MYOM1: variants seen among roughly 807,000 people sequenced by gnomAD.
MYOM1 encodes the protein myomesin-1.
MYOM1 carries 164 observed loss-of-function variants against 205.3 expected under a neutral mutation model. That is an observed-to-expected ratio of 0.80 (90% CI 0.70 to 0.91). The LOEUF (loss-of-function observed/expected upper bound fraction) is 0.91. Ranked by LOEUF, MYOM1 falls within the 40% of genes least tolerant of loss-of-function variation. The pLI is 0.00. For synonymous variants in MYOM1, 772 were observed against 789.4 expected (o/e 0.98, Z 0.37); for missense variants, 2,011 against 2,127.3 (o/e 0.95, Z 1.08).
chr18:3,104,300 G>C (rs1204319239), intron 22 of MYOM1, among the ~76,000 whole-genome samples: 3 of 152,208 alleles, frequency 2.0e-5, no homozygotes, highest in South Asian at 2.1e-4. Context: ...TTGTATATCT[G>C]TATTGTTACA....
chr18:3,187,588 A>T lies in MYOM1; in HGVS notation c.821T>A (p.Leu274His), dbSNP rs778938159. ...YHAKLNEDHLLHAPEFIIKPR... is the reference protein window; with the variant it reads ...YHAKLNEDHLHHAPEFIIKPR... ...TTTAATGATAAACTCAGGAGCATGG[A>T]GAAGATGGTCTTCATTCAGCTTGGC... Residue 274 changes from leucine (L) to histidine (H), a missense_variant, in exon 5 of 38, where the codon CTC becomes CAC. By Grantham distance (99) the Leu-to-His change is moderately conservative. Coordinates refer to ENST00000356443, the MANE Select transcript of MYOM1 (RefSeq NM_003803.4). The T allele has an allele frequency of 1.9e-6, 3 of 1,613,512 alleles. No individual in the cohort carries two copies. The East Asian group carries it at 6.7e-5, about 36-fold the overall frequency.
intron 2 of MYOM1, among the ~76,000 whole-genome samples, chr18:3,196,396 C>A (rs968845921): frequency 1.3e-5 from 2 of 152,018 alleles, no homozygotes; most frequent in African/African-American, 2.4e-5. Flanking sequence ...GATTGCTAAC[C>A]CCTTGGGCTT....
chr18:3,239,237 T>C, the MYOM1 span, among the ~76,000 whole-genome samples: 2 of 152,148 alleles, frequency 1.3e-5, no homozygotes, highest in Non-Finnish European at 2.9e-5. Flanking sequence ...ACAGAGGAGC[T>C]GGCTTTCTAT....
intron 1 of MYOM1, among the ~76,000 whole-genome samples, chr18:3,218,937 G>A (rs1394880241): frequency 6.6e-6 from 1 of 152,072 alleles, no homozygotes; most frequent in African/African-American, 2.4e-5. Flanking sequence ...CAAGTAAACA[G>A]GGTTTGACTT....
intron 29 of MYOM1, among the ~76,000 whole-genome samples, chr18:3,087,395 C>T (rs1043693771): frequency 4.6e-5 from 7 of 150,568 alleles, no homozygotes; most frequent in Non-Finnish European, 7.4e-5. Context: ...TCTGAGCTTT[C>T]TGTTGTCCGG....
At chr18:3,089,137 C>T (rs867757668) in intron 29 of MYOM1, 37 bp downstream of exon 29, 1 of 1,460,866 alleles carries the variant, frequency 6.8e-7, no homozygotes, top group South Asian at 1.2e-5. Flanking sequence ...ATTTTATTTC[C>T]CTTGAATCAA....
chr18:3,151,652 A>T, intron 12 of MYOM1, 42 bp downstream of exon 12: 2 of 1,526,132 alleles, frequency 1.3e-6, no homozygotes, highest in South Asian at 1.2e-5. Context: ...CAGTCATTTT[A>T]AAAAGGTTTA....
chr18:3,197,190 G>A (rs1167859175), intron 2 of MYOM1, among the ~76,000 whole-genome samples: 1 of 148,948 alleles, frequency 6.7e-6, no homozygotes, highest in East Asian at 2.0e-4. Context: ...AGGCTGGAGT[G>A]CAATGGCGCG....
In MYOM1 at chr18:3,206,624, G is replaced by A. The variant is rs79042987; in HGVS notation, c.290+8310C>T. Among the ~76,000 whole-genome samples, 582 of 152,232 alleles carry A rather than the reference G, an allele frequency of 3.8e-3. 4 individuals are homozygous for A. Among genetic ancestry groups the A allele is most frequent in the African/African-American group, 0.013 (558 of 41,534 alleles). The stretch of plus-strand genomic sequence containing the variant: ...CGTTGTTTTGGATCTACTTTTGATT[G>A]AGAACAGCTTGGTTTTGTGCTCCTC... On this transcript the variant is annotated intron_variant, in intron 2 of 37. Coordinates refer to ENST00000356443, the MANE Select transcript of MYOM1 (RefSeq NM_003803.4).
chr18:3,186,382 A>G (rs911912464), intron 5 of MYOM1, among the ~76,000 whole-genome samples: 15 of 152,184 alleles, frequency 9.9e-5, no homozygotes, highest in African/African-American at 3.4e-4. Context: ...AGGTGCATTT[A>G]CCACCACTCC....
rs188023558 is a variant in MYOM1 at position 3,085,847 on chromosome 18, A to C, written c.4251+191T>G. Among the ~76,000 whole-genome samples the C allele has an allele frequency of 1.6e-3, 251 of 152,344 alleles. 1 individual carries two copies. The highest frequency in any genetic ancestry group is 5.6e-3 in the African/African-American group (234 of 41,572). On this transcript the variant is annotated intron_variant, in intron 30 of 37. Coordinates refer to ENST00000356443, the MANE Select transcript of MYOM1 (RefSeq NM_003803.4). ...AAGCAAGAGTTGTGGCATTCAGCTC[A>C]TACTGGTTTGCTACCTAACAAATCC... is the stretch of plus-strand genomic sequence containing the variant.
At chr18:3,171,517 A>G (rs990178000) in intron 8 of MYOM1, among the ~76,000 whole-genome samples, 5 of 152,206 alleles carry the variant, frequency 3.3e-5, no homozygotes, top group Non-Finnish European at 7.3e-5. Flanking sequence ...GAGGCACCCC[A>G]GTTTAACAAC....
intron 34 of MYOM1, among the ~76,000 whole-genome samples, chr18:3,076,410 T>C (rs1315001403): frequency 1.3e-5 from 2 of 152,128 alleles, no homozygotes; most frequent in Admixed American, 1.3e-4. Flanking sequence ...TGAGTAAACA[T>C]CCTGAGTGTC....
At chr18:3,175,132 G>C (rs1300502615) in intron 6 of MYOM1, among the ~76,000 whole-genome samples, 1 of 152,070 alleles carries the variant, frequency 6.6e-6, no homozygotes, top group Non-Finnish European at 1.5e-5. Flanking sequence ...ACTTAATTTT[G>C]AAAGTAACCA....
At position 3,134,761 on chromosome 18, in the gene MYOM1, G is replaced by C. The variant is rs376205950; in HGVS notation, c.2273C>G (p.Ser758Trp). The change falls in exon 16 of 38, where the codon TCG becomes TGG. Residue 758 changes from serine to tryptophan, a missense_variant. By Grantham distance (177) the Ser-to-Trp change is radical. Transcript: ENST00000356443. ...TTTGGCATCTTTGGACTCCTCCCAC[G>C]AAACTACCACTGAGGTGTCTGTGTT... Reference protein sequence around the residue: ...SRNTDTSVVVSWEESKDAKEL... With the variant: ...SRNTDTSVVVWWEESKDAKEL... The C allele has an allele frequency of 6.2e-7, 1 of 1,613,900 alleles. No homozygotes were observed. Among genetic ancestry groups the C allele is most frequent in the South Asian group, 1.1e-5 (1 of 91,086 alleles).
At chr18:3,076,959 G>A (rs1161737822) in intron 34 of MYOM1, among the ~76,000 whole-genome samples, 3 of 150,682 alleles carry the variant, frequency 2.0e-5, no homozygotes, top group South Asian at 4.2e-4. Flanking sequence ...TGATCCACCC[G>A]CTTTGGCCTC....
intron 8 of MYOM1, 22 bp downstream of exon 8, chr18:3,173,916 G>A (rs1415637362): frequency 6.2e-7 from 1 of 1,602,954 alleles, no homozygotes; most frequent in Non-Finnish European, 8.5e-7. Flanking sequence ...GTGACACTTA[G>A]TAAATGTGTT....
intron 2 of MYOM1, among the ~76,000 whole-genome samples, chr18:3,196,201 A>G (rs1012058605): frequency 6.6e-6 from 1 of 152,224 alleles, no homozygotes; most frequent in Non-Finnish European, 1.5e-5. Context: ...GAAAGTGACT[A>G]TGTTATAATA....
At position 3,215,080 on chromosome 18, in the gene MYOM1, G is replaced by C. The variant is rs1270993634; in HGVS notation, c.144C>G (p.Ser48Arg). The C allele has an allele frequency of 1.2e-6, 2 of 1,613,444 alleles. No homozygotes were observed. The highest frequency in any genetic ancestry group is 1.7e-6 in the Non-Finnish European group (2 of 1,179,850). Reference sequence around the variant, plus strand: ...CCCGGCGGTGCGCGGCGGAGGAGCGGCTGCTGTAGGCCGTGGAGCCCTGGG... The same window carrying C: ...CCCGGCGGTGCGCGGCGGAGGAGCGCCTGCTGTAGGCCGTGGAGCCCTGGG... ...VYTQGSTAYS[S>R]RSSAAHRRES... Residue 48 changes from serine (S) to arginine (R), a missense_variant, in exon 2 of 38, where the codon AGC becomes AGG. By Grantham distance (110) the Ser-to-Arg change is moderately radical. Transcript: ENST00000356443.
Sources: allele counts gnomAD v4.1 joint callset (sites outside exome capture counted in the v4.1 genomes callset), GRCh38; gene constraint gnomAD v4.1.1; transcripts MANE v1.5; gene names NCBI Gene and HGNC (gene_info 2026-07-23, HGNC 2026-07-21).